The following TASP1 variants were observed in gnomAD, a reference collection of about 807,000 sequenced individuals.
The protein encoded by TASP1 is taspase 1.
Under a neutral mutation model 56.6 loss-of-function variants are expected in TASP1, and 16 were observed. The ratio of observed to expected loss-of-function variants is 0.28; its 90% confidence interval spans 0.19 to 0.43. The LOEUF is 0.43. Among genes scored for constraint, TASP1 ranks in the 20% least tolerant of loss-of-function variants. The pLI is 1.00. For synonymous variants in TASP1, 179 were observed against 184.2 expected (o/e 0.97, Z 0.23); for missense variants, 393 against 511.6 (o/e 0.77, Z 2.24).
the TASP1 span, chr20:13,165,230 A>G: frequency 2.7e-5 from 5 of 185,588 alleles, 1 homozygote; most frequent in South Asian, 6.0e-4. Context: ...ATTTTTATTC[A>G]GTAAGTTCAC....
intron 10 of TASP1, among the ~76,000 whole-genome samples, chr20:13,521,661 T>G: frequency 6.6e-6 from 1 of 150,974 alleles, no homozygotes; most frequent in Non-Finnish European, 1.5e-5. Context: ...GGGATAGCAT[T>G]AGGAGATATA....
chr20:13,347,507 C>T, the TASP1 span, among the ~76,000 whole-genome samples: 3,287 of 152,320 alleles, frequency 0.022, 54 homozygotes, highest in Non-Finnish European at 0.03. Context: ...AACACTCATG[C>T]TCTCCCTGAG....
chr20:13,585,794 C>T (rs1271418772), intron 5 of TASP1, among the ~76,000 whole-genome samples: 1 of 152,142 alleles, frequency 6.6e-6, no homozygotes, highest in African/African-American at 2.4e-5. Context: ...CTTTTGAAAA[C>T]CGGCAGTATC....
chr20:13,371,583 T>C, the TASP1 span, among the ~76,000 whole-genome samples: 1 of 152,210 alleles, frequency 6.6e-6, no homozygotes, highest in Non-Finnish European at 1.5e-5. Context: ...CAGTCTATTC[T>C]GGTGAATGTT....
At chr20:13,295,221 G>C in the TASP1 span, among the ~76,000 whole-genome samples, 4 of 152,106 alleles carry the variant, frequency 2.6e-5, no homozygotes, top group Middle Eastern at 3.2e-3. Flanking sequence ...CCCACCTGCT[G>C]TTTCCTCCCA....
intron 7 of TASP1, among the ~76,000 whole-genome samples, chr20:13,562,803 G>C (rs2046385645): frequency 1.3e-5 from 2 of 151,058 alleles, no homozygotes; most frequent in East Asian, 2.0e-4. Context: ...TCTTAGTCTG[G>C]GCAGTCAAGG....
the TASP1 span, among the ~76,000 whole-genome samples, chr20:13,339,221 A>G: frequency 6.6e-6 from 1 of 152,144 alleles, no homozygotes; most frequent in Non-Finnish European, 1.5e-5. Context: ...CCTTTGACAC[A>G]CCCAAGAGAA....
chr20:13,584,774 C>G (rs1363508632), intron 5 of TASP1, among the ~76,000 whole-genome samples: 8 of 152,088 alleles, frequency 5.3e-5, no homozygotes, highest in African/African-American at 1.7e-4. Context: ...ACAAAGAAAG[C>G]TAACTAAAAT....
At chr20:13,323,300 G>T in the TASP1 span, among the ~76,000 whole-genome samples, 1 of 152,170 alleles carries the variant, frequency 6.6e-6, no homozygotes, top group East Asian at 1.9e-4. Context: ...TGGTCCAAAG[G>T]AAGGGAGGTC....
At chr20:13,508,572 A>G (rs539750376) in intron 10 of TASP1, among the ~76,000 whole-genome samples, 6 of 152,210 alleles carry the variant, frequency 3.9e-5, no homozygotes, top group Non-Finnish European at 5.9e-5. Flanking sequence ...CAGATAAAGG[A>G]TACTCAATCT....
chr20:13,543,066 T>C (rs192713595), intron 8 of TASP1, among the ~76,000 whole-genome samples: 69 of 152,280 alleles, frequency 4.5e-4, no homozygotes, highest in East Asian at 2.5e-3. Flanking sequence ...TTCAATCTGA[T>C]TGGCAATCAC....
chr20:13,148,050 T>TG, the TASP1 span, among the ~76,000 whole-genome samples: 1 of 152,182 alleles, frequency 6.6e-6, no homozygotes, highest in Non-Finnish European at 1.5e-5. Flanking sequence ...TGCATGCCAA[T>TG]GGTTTAACAG....
the TASP1 span, among the ~76,000 whole-genome samples, chr20:13,342,666 C>T: frequency 4.8e-4 from 73 of 152,188 alleles, no homozygotes; most frequent in Admixed American, 4.8e-3. Flanking sequence ...ACTCCCAGCC[C>T]TCAGATGACG....
At chr20:13,322,346 C>T in the TASP1 span, among the ~76,000 whole-genome samples, 2 of 152,198 alleles carry the variant, frequency 1.3e-5, no homozygotes, top group Admixed American at 1.3e-4. Context: ...AAAAGACACA[C>T]TCCCACCCTC....
the TASP1 span, among the ~76,000 whole-genome samples, chr20:13,174,763 T>C: frequency 0.034 from 5,128 of 152,096 alleles, 127 homozygotes; most frequent in African/African-American, 0.073. Flanking sequence ...CAAATTTTCA[T>C]CTACAAGATG....
chr20:13,296,935 T>C, the TASP1 span, among the ~76,000 whole-genome samples: 111 of 152,244 alleles, frequency 7.3e-4, no homozygotes, highest in African/African-American at 2.2e-3. Flanking sequence ...GGAGAATTGC[T>C]TGAACCCGGG....
At chr20:13,275,908 G>GA in the TASP1 span, among the ~76,000 whole-genome samples, 1 of 152,206 alleles carries the variant, frequency 6.6e-6, no homozygotes, top group Non-Finnish European at 1.5e-5. Flanking sequence ...TTCCGTCCCT[G>GA]AAAATTGAGT....
intron 11 of TASP1, among the ~76,000 whole-genome samples, chr20:13,439,761 GAA>G (rs2043150795): frequency 6.6e-6 from 1 of 151,874 alleles, no homozygotes; most frequent in Admixed American, 6.6e-5. Flanking sequence ...TTAAAAAGAT[GAA>G]AAATGAGTCA....
chr20:13,223,943 C>T, the TASP1 span, among the ~76,000 whole-genome samples: 1 of 151,984 alleles, frequency 6.6e-6, no homozygotes, highest in South Asian at 2.1e-4. Context: ...CCGGGGTTGG[C>T]CTTTTCCGCT....
Sources: gnomAD v4.1 joint callset for allele counts (sites outside exome capture counted in the v4.1 genomes callset) on GRCh38, gnomAD v4.1.1 for gene constraint, MANE v1.5 for transcripts, NCBI Gene and HGNC (gene_info 2026-07-23, HGNC 2026-07-21) for gene names.